The following SLC24A3 variants were observed in gnomAD, a reference collection of about 807,000 sequenced individuals.
SLC24A3 encodes sodium/potassium/calcium exchanger 3.
In SLC24A3, 28 loss-of-function variants were observed where a neutral mutation model predicts 75.8. That is an observed-to-expected ratio of 0.37 (90% CI 0.27 to 0.51). SLC24A3 has a LOEUF of 0.51. Ranked by LOEUF, SLC24A3 falls within the 20% of genes least tolerant of loss-of-function variation. The pLI, the probability that SLC24A3 is intolerant of heterozygous loss-of-function variation, is 0.94. For missense variants in SLC24A3, 663 were observed against 847.8 expected, an observed-to-expected ratio of 0.78 and a Z score of 2.71; for synonymous variants, 372 against 334.1, an observed-to-expected ratio of 1.11 and a Z score of -1.24.
chr20:19,492,380 G>T (rs1338333592), intron 2 of SLC24A3, among the ~76,000 whole-genome samples: 1 of 152,196 alleles, frequency 6.6e-6, no homozygotes, highest in Non-Finnish European at 1.5e-5. Context: ...CTGTGCAATG[G>T]TGACAACTCC....
At chr20:19,473,031 A>G (rs1987900961) in intron 2 of SLC24A3, among the ~76,000 whole-genome samples, 1 of 152,182 alleles carries the variant, frequency 6.6e-6, no homozygotes, top group Non-Finnish European at 1.5e-5. Flanking sequence ...CCACTGATCA[A>G]GGCTGGATCA....
chr20:19,652,600 A>C (rs954315021), intron 6 of SLC24A3, among the ~76,000 whole-genome samples: 2 of 152,250 alleles, frequency 1.3e-5, no homozygotes, highest in African/African-American at 4.8e-5. Context: ...GCTTCACCTA[A>C]TAAGGCAAAA....
chr20:19,605,674 A>C (rs1379902474), intron 6 of SLC24A3, among the ~76,000 whole-genome samples: 2 of 152,084 alleles, frequency 1.3e-5, no homozygotes, highest in African/African-American at 2.4e-5. Context: ...TAGTGACCTG[A>C]TTTTTCGACG....
chr20:19,306,163 G>C (rs995012993), intron 2 of SLC24A3, among the ~76,000 whole-genome samples: 2 of 152,084 alleles, frequency 1.3e-5, no homozygotes, highest in Non-Finnish European at 1.5e-5. Flanking sequence ...GCAAATCAAA[G>C]CAACAAGAAG....
intron 12 of SLC24A3, among the ~76,000 whole-genome samples, chr20:19,691,513 CA>C (rs2032745008): frequency 6.6e-6 from 1 of 152,104 alleles, no homozygotes; most frequent in Non-Finnish European, 1.5e-5. Context: ...GGTTCTAGAA[CA>C]ATTTGGTTTT....
chr20:19,466,537 A>T (rs547102810), intron 2 of SLC24A3, among the ~76,000 whole-genome samples: 3 of 152,324 alleles, frequency 2.0e-5, no homozygotes, highest in South Asian at 4.1e-4. Context: ...TACTTCCCTG[A>T]AAAGGTAATA....
chr20:19,545,621 A>C (rs777690423), intron 3 of SLC24A3, among the ~76,000 whole-genome samples: 5 of 152,054 alleles, frequency 3.3e-5, no homozygotes, highest in Admixed American at 6.5e-5. Context: ...GCCACCCCTC[A>C]TCCCCATCTT....
At position 19,609,208 on chromosome 20, in the gene SLC24A3, G is replaced by A. The variant is rs377106031; in HGVS notation, c.612+23664G>A. On this transcript the variant is annotated intron_variant, in intron 6 of 16. Transcript: ENST00000328041. ...ATGACCATGCAGGAAAATGAAATAC[G>A]AAGGAGGGGGTTATTATCTTATGTT... is the stretch of plus-strand genomic sequence containing the variant. 1.1e-4 allele frequency among the ~76,000 whole-genome samples: 16 copies of A among 152,194 alleles called. 2 individuals are homozygous for A. The highest frequency in any genetic ancestry group is 2.1e-4 in the South Asian group (1 of 4,816).
intron 2 of SLC24A3, among the ~76,000 whole-genome samples, chr20:19,285,013 T>G (rs1402270741): frequency 1.3e-5 from 2 of 152,168 alleles, no homozygotes; most frequent in Non-Finnish European, 2.9e-5. Flanking sequence ...CAAGCCTTCC[T>G]CTACTCCCTC....
At chr20:19,243,244 T>C (rs566008381) in intron 1 of SLC24A3, among the ~76,000 whole-genome samples, 1 of 152,160 alleles carries the variant, frequency 6.6e-6, no homozygotes, top group Non-Finnish European at 1.5e-5. Flanking sequence ...ACTGGGGATA[T>C]GAATAACATT....
chr20:19,331,128 C>A (rs751842515), intron 2 of SLC24A3, among the ~76,000 whole-genome samples: 13 of 152,160 alleles, frequency 8.5e-5, no homozygotes, highest in Non-Finnish European at 1.8e-4. Context: ...GGGAGAAGTG[C>A]TTTAGTGCAT....
At position 19,700,421 on chromosome 20, in the gene SLC24A3, G is replaced by T. The variant is rs575227391; in HGVS notation, c.1719+1741G>T. Reference sequence around the variant, plus strand: ...CACTTTCTGATGAGGCCTGGAAGTGGTGTCTGTCCCAACTGTTCCCATCCC... The same window carrying T: ...CACTTTCTGATGAGGCCTGGAAGTGTTGTCTGTCCCAACTGTTCCCATCCC... On this transcript the variant is annotated intron_variant, in intron 15 of 16. Transcript: ENST00000328041. 4.8e-4 allele frequency among the ~76,000 whole-genome samples: 64 copies of T among 133,124 alleles called. 1 individual carries two copies. The highest frequency in any genetic ancestry group is 7.8e-3 in the Middle Eastern group (2 of 256). The allele number at this position is 133,124 out of a possible 152,430, so 87.3% of individuals were successfully genotyped here.
At chr20:19,454,757 G>C (rs566608174) in intron 2 of SLC24A3, among the ~76,000 whole-genome samples, 1 of 152,288 alleles carries the variant, frequency 6.6e-6, no homozygotes, top group Admixed American at 6.5e-5. Flanking sequence ...AGATGAATGA[G>C]ATGAAATGTA....
At chr20:19,592,789 C>CTTTTTT (rs1319331356) in intron 6 of SLC24A3, among the ~76,000 whole-genome samples, 7 of 60,720 alleles carry the variant, frequency 1.2e-4, no homozygotes, top group African/African-American at 3.0e-4. Context: ...AATTTTCTTT[C>CTTTTTT]TTTCTTTCTT....
At position 19,535,368 on chromosome 20, in the gene SLC24A3, C is replaced by T. The variant is rs75987663; in HGVS notation, c.348+19804C>T. ...GCAGTTAGACCAGCTTGGTTTTGGA[C>T]AGTTAGTTGGCTGTCAGCTTGGGCA... On this transcript the variant is annotated intron_variant, in intron 3 of 16. Transcript: ENST00000328041. Among the ~76,000 whole-genome samples the T allele has an allele frequency of 9.0e-3, 1,366 of 152,298 alleles. 21 individuals are homozygous for T. The highest frequency in any genetic ancestry group is 0.041 in the South Asian group (199 of 4,828).
chr20:19,234,951 G>A (rs1305846141), intron 1 of SLC24A3, among the ~76,000 whole-genome samples: 2 of 152,158 alleles, frequency 1.3e-5, no homozygotes, highest in East Asian at 3.9e-4. Context: ...CTGGAATACG[G>A]TGTGACTGTG....
intron 2 of SLC24A3, among the ~76,000 whole-genome samples, chr20:19,418,719 T>G (rs1320695582): frequency 1.3e-5 from 2 of 151,876 alleles, no homozygotes; most frequent in Non-Finnish European, 2.9e-5. Context: ...TCACTCCTCT[T>G]TAAAAGAATG....
intron 4 of SLC24A3, among the ~76,000 whole-genome samples, chr20:19,581,048 A>T (rs2122632879): frequency 6.6e-6 from 1 of 152,354 alleles, no homozygotes. Flanking sequence ...AGTGTCTTCT[A>T]CATCCTGGAA....
chr20:19,434,308 G>A (rs983188885), intron 2 of SLC24A3, among the ~76,000 whole-genome samples: 5 of 152,250 alleles, frequency 3.3e-5, no homozygotes, highest in East Asian at 1.9e-4. Flanking sequence ...ACTCCGCAGC[G>A]AGGGCTTGGG....
Sources: allele counts gnomAD v4.1 joint callset (sites outside exome capture counted in the v4.1 genomes callset), GRCh38; gene constraint gnomAD v4.1.1; transcripts MANE v1.5; gene names NCBI Gene and HGNC (gene_info 2026-07-23, HGNC 2026-07-21).